The following COL22A1 variants were observed in gnomAD, a reference collection of about 807,000 sequenced individuals.
The protein encoded by COL22A1 is collagen type XXII alpha 1 chain.
A neutral mutation model predicts 248.9 loss-of-function variants in COL22A1; 221 were observed. The ratio of observed to expected loss-of-function variants is 0.89; its 90% CI spans 0.80 to 0.99. The LOEUF is 0.99. Ranked by LOEUF, COL22A1 falls within the 50% of genes least tolerant of loss-of-function variation. The probability of loss-of-function intolerance (pLI) is 0.00; values close to 1 mark genes in which losing one functional copy is unlikely to be tolerated. For missense variants in COL22A1, 2,240 were observed against 2,179.0 expected, an observed-to-expected ratio of 1.03 and a Z score of -0.56; for synonymous variants, 891 against 793.4, an observed-to-expected ratio of 1.12 and a Z score of -2.07.
In COL22A1 at chr8:138,811,844, A is replaced by C; in HGVS notation, c.1404T>G (p.Ile468Met). The C allele has an allele frequency of 6.2e-7, 1 of 1,609,648 alleles. No homozygotes were observed. Among genetic ancestry groups the C allele is most frequent in the Non-Finnish European group, 8.5e-7 (1 of 1,178,572 alleles). ...QRPPTPGSEQ[I>M]GFLKTINCSC... ...AGCAGTTGATGGTCTTCAAAAACCCAATCTGTTCACTGCCTGGGGTGGGAG... is the reference window on the plus strand; with the variant it reads ...AGCAGTTGATGGTCTTCAAAAACCCCATCTGTTCACTGCCTGGGGTGGGAG... Residue 468 changes from isoleucine (I) to methionine (M), a missense_variant, in exon 9 of 65, where the codon ATT (isoleucine) becomes ATG (methionine). Coordinates refer to ENST00000303045, the MANE Select transcript of COL22A1 (RefSeq NM_152888.3).
intron 54 of COL22A1, 36 bp downstream of exon 54, chr8:138,616,878 A>G (rs763494097): frequency 6.2e-7 from 1 of 1,613,458 alleles, no homozygotes; most frequent in African/African-American, 1.3e-5. Context: ...AGCTCTGCCC[A>G]CCTGGGGGGA....
intron 25 of COL22A1, among the ~76,000 whole-genome samples, chr8:138,724,139 G>C (rs571575676): frequency 1.3e-5 from 2 of 152,152 alleles, no homozygotes; most frequent in Non-Finnish European, 2.9e-5. Context: ...TCCTATCTGG[G>C]GAGACATTAA....
At chr8:138,854,366 G>C (rs1411905828) in intron 3 of COL22A1, among the ~76,000 whole-genome samples, 1 of 152,174 alleles carries the variant, frequency 6.6e-6, no homozygotes, top group Non-Finnish European at 1.5e-5. Context: ...CAGAATTTCA[G>C]TGGATTCCAT....
intron 17 of COL22A1, 115 bp from the exon 18 acceptor site, chr8:138,760,402 A>T (rs746919426): frequency 1.4e-4 from 133 of 942,686 alleles, no homozygotes; most frequent in Non-Finnish European, 1.6e-4. Flanking sequence ...TTTTCTTCAG[A>T]AGCCAAAGTC....
chr8:138,628,192 A>G lies in COL22A1; in HGVS notation c.3664-1949T>C, dbSNP rs1007497985. 3.3e-5 allele frequency among the ~76,000 whole-genome samples: 5 copies of G among 150,714 alleles called. No individual in the cohort carries two copies. The East Asian group carries it at 7.9e-4, about 24-fold the overall frequency. Reference sequence around the variant, plus strand: ...AAGTAAAGGGCTTTATTTTGTGTCAAAAAGCCTGCCAAACAGTTTGTCTTT... The same window carrying G: ...AAGTAAAGGGCTTTATTTTGTGTCAGAAAGCCTGCCAAACAGTTTGTCTTT... On this transcript the variant is annotated intron_variant, in intron 50 of 64. Coordinates refer to ENST00000303045, the MANE Select transcript of COL22A1 (RefSeq NM_152888.3).
chr8:138,724,779 C>G, intron 24 of COL22A1, 111 bp from the exon 25 acceptor site: 1 of 969,688 alleles, frequency 1.0e-6, no homozygotes. Flanking sequence ...GGAGGGCACC[C>G]TGGGGCCTCT....
At chr8:138,758,262 C>T (rs192238003) in intron 18 of COL22A1, among the ~76,000 whole-genome samples, 43 of 152,328 alleles carry the variant, frequency 2.8e-4, no homozygotes, top group Non-Finnish European at 4.6e-4. Context: ...AATGTGTCCC[C>T]ACTGACAGCT....
intron 49 of COL22A1, among the ~76,000 whole-genome samples, chr8:138,631,448 T>C (rs1820713773): frequency 6.6e-6 from 1 of 152,146 alleles, no homozygotes; most frequent in Non-Finnish European, 1.5e-5. Flanking sequence ...GGATGGGCAT[T>C]TTCAGCTAAT....
intron 46 of COL22A1, among the ~76,000 whole-genome samples, chr8:138,646,971 C>A (rs1438545758): frequency 6.6e-6 from 1 of 152,162 alleles, no homozygotes; most frequent in East Asian, 1.9e-4. Flanking sequence ...GAGCAGCCGT[C>A]CTGCCATTTG....
intron 47 of COL22A1, among the ~76,000 whole-genome samples, chr8:138,637,224 T>A (rs958396622): frequency 1.7e-4 from 26 of 152,064 alleles, no homozygotes; most frequent in Non-Finnish European, 7.4e-5. Flanking sequence ...AAACAAGTGG[T>A]GTTCCAGGAG....
intron 23 of COL22A1, among the ~76,000 whole-genome samples, chr8:138,734,031 C>T (rs1830913777): frequency 6.6e-6 from 1 of 152,194 alleles, no homozygotes; most frequent in South Asian, 2.1e-4. Context: ...CCTAAGCCTG[C>T]TCAGCAACTG....
At chr8:138,656,774 G>A (rs72727856) in intron 44 of COL22A1, among the ~76,000 whole-genome samples, 3,513 of 152,308 alleles carry the variant, frequency 0.023, 63 homozygotes, top group Middle Eastern at 0.048. Context: ...AGGAATACCA[G>A]AAGACCCAGG....
At chr8:138,867,797 C>T (rs954429211) in intron 3 of COL22A1, among the ~76,000 whole-genome samples, 1 of 152,140 alleles carries the variant, frequency 6.6e-6, no homozygotes, top group Non-Finnish European at 1.5e-5. Context: ...AGACGAAGTC[C>T]TACTCTGTCG....
intron 1 of COL22A1, among the ~76,000 whole-genome samples, chr8:138,912,452 G>T (rs72731675): frequency 0.11 from 16,218 of 152,246 alleles, 1,143 homozygotes; most frequent in South Asian, 0.15. Context: ...TAGGAGTGTC[G>T]GCATGGGCCC....
chr8:138,634,190 C>T (rs540700010), intron 49 of COL22A1, among the ~76,000 whole-genome samples: 84 of 152,200 alleles, frequency 5.5e-4, no homozygotes, highest in Non-Finnish European at 1.1e-3. Context: ...GATGACAAAG[C>T]AAGCTTAATT....
intron 1 of COL22A1, among the ~76,000 whole-genome samples, chr8:138,898,020 G>C (rs1814254093): frequency 6.6e-6 from 1 of 152,062 alleles, no homozygotes; most frequent in Admixed American, 6.6e-5. Context: ...TGGCAGATGG[G>C]GCGAGAGATC....
intron 12 of COL22A1, among the ~76,000 whole-genome samples, chr8:138,781,301 C>G (rs901984435): frequency 2.0e-5 from 3 of 152,156 alleles, no homozygotes; most frequent in African/African-American, 7.2e-5. Flanking sequence ...TCGCCCTGGG[C>G]TTGGTCTCAT....
chr8:138,834,673 A>G (rs6995886), intron 4 of COL22A1, among the ~76,000 whole-genome samples: 83,665 of 152,026 alleles, frequency 0.55, 23,661 homozygotes, highest in East Asian at 0.67. Context: ...AATGTACGTC[A>G]TTGCTGTGAG....
chr8:138,821,392 C>A lies in COL22A1; in HGVS notation c.989G>T (p.Gly330Val). Residue 330 changes from glycine to valine, a missense_variant, in exon 7 of 65, where the codon GGT becomes GTT. Coordinates refer to ENST00000303045, the MANE Select transcript of COL22A1 (RefSeq NM_152888.3). ...GTTGTACTCGACTGCCTTGTTTTCACCATCCAGCCGGATGGAGACCTGGGG... is the reference window on the plus strand; with the variant it reads ...GTTGTACTCGACTGCCTTGTTTTCAACATCCAGCCGGATGGAGACCTGGGG... ...SIPQVSIRLDGENKAVEYNAV... is the reference protein window; with the variant it reads ...SIPQVSIRLDVENKAVEYNAV... 2 of 1,613,334 alleles carry A rather than the reference C, an allele frequency of 1.2e-6. No individual in the cohort carries two copies. Among genetic ancestry groups the A allele is most frequent in the Non-Finnish European group, 8.5e-7 (1 of 1,179,330 alleles).
Sources: gnomAD v4.1 joint callset for allele counts (sites outside exome capture counted in the v4.1 genomes callset) on GRCh38, gnomAD v4.1.1 for gene constraint, MANE v1.5 for transcripts, NCBI Gene and HGNC (gene_info 2026-07-23, HGNC 2026-07-21) for gene names.